The following NRG1 variants were observed in gnomAD, a reference collection of about 807,000 sequenced individuals.
The protein encoded by NRG1 is pro-neuregulin-1, membrane-bound isoform.
Under a neutral mutation model 63.8 loss-of-function variants are expected in NRG1, and 18 were observed. The observed-to-expected ratio is 0.28, with a 90% CI of 0.19 to 0.42. The LOEUF is 0.42. Among genes scored for constraint, NRG1 ranks in the 10% least tolerant of loss-of-function variants. NRG1 has a pLI of 1.00. For synonymous variants in NRG1, 302 were observed against 301.3 expected (o/e 1.00, Z -0.02); for missense variants, 762 against 814.7 (o/e 0.94, Z 0.79).
At chr8:32,462,530 TATACA>T (rs977164217) in intron 1 of NRG1, among the ~76,000 whole-genome samples, 3 of 151,200 alleles carry the variant, frequency 2.0e-5, no homozygotes, top group African/African-American at 7.3e-5. Flanking sequence ...AGATTTTGAA[TATACA>T]ATACAATATT....
At chr8:31,782,241 C>T (rs1819758429) in intron 1 of NRG1, among the ~76,000 whole-genome samples, 1 of 152,094 alleles carries the variant, frequency 6.6e-6, no homozygotes, top group Non-Finnish European at 1.5e-5. Context: ...TGCTGCCTTA[C>T]CTTACTCTGC....
intron 1 of NRG1, among the ~76,000 whole-genome samples, chr8:31,890,805 T>A (rs1270964610): frequency 2.6e-5 from 4 of 152,202 alleles, no homozygotes; most frequent in Non-Finnish European, 5.9e-5. Context: ...AGTGACCTAA[T>A]GTTCGGACAG....
chr8:31,674,559 T>C (rs1191435212), intron 1 of NRG1, among the ~76,000 whole-genome samples: 1 of 2,396 alleles, frequency 4.2e-4, no homozygotes, highest in Non-Finnish European at 0.1. Flanking sequence ...ATCTGGGTAC[T>C]TTTTTTTTTT....
At chr8:31,952,552 A>AT (rs199702428) in intron 1 of NRG1, among the ~76,000 whole-genome samples, 14 of 152,050 alleles carry the variant, frequency 9.2e-5, no homozygotes, top group African/African-American at 2.4e-4. Context: ...TGTTTAAATA[A>AT]TTTTTTTTTC....
At chr8:32,063,157 C>G (rs1824167943) in intron 1 of NRG1, 1 of 152,056 alleles carries the variant, frequency 6.6e-6, no homozygotes, top group South Asian at 2.1e-4. Context: ...AGTTGATTAT[C>G]AAGCTTTAAA....
rs1000265074 is a variant in NRG1 at position 32,678,819 on chromosome 8, T to C, written c.503-49130T>C. Among the ~76,000 whole-genome samples the C allele has an allele frequency of 4.6e-5, 7 of 152,288 alleles. No individual in the cohort carries two copies. In the South Asian group the frequency reaches 1.2e-3, roughly 27 times the overall value. ...CCCAGACTAGTACAAAAGTAACCCA[T>C]GCTGAATGTGCTATCTTTTAAGTCC... is the stretch of plus-strand genomic sequence containing the variant. On this transcript the variant is annotated intron_variant, in intron 5 of 11. Transcript: ENST00000356819.
At chr8:32,005,330 C>A (rs1311274802) in intron 1 of NRG1, among the ~76,000 whole-genome samples, 1 of 151,868 alleles carries the variant, frequency 6.6e-6, no homozygotes, top group Non-Finnish European at 1.5e-5. Flanking sequence ...ATATTGAGAG[C>A]CAGTGGAAGA....
intron 1 of NRG1, among the ~76,000 whole-genome samples, chr8:31,757,402 A>G (rs776030081): frequency 2.0e-5 from 3 of 152,100 alleles, no homozygotes; most frequent in Non-Finnish European, 4.4e-5. Context: ...AATTTGTCAC[A>G]TTGGCTAAAA....
chr8:32,526,376 G>A (rs866223639), intron 1 of NRG1, among the ~76,000 whole-genome samples: 19 of 152,178 alleles, frequency 1.2e-4, no homozygotes, highest in Admixed American at 1.2e-3. Context: ...GCAATGGTGA[G>A]AATCTGCCAA....
At chr8:32,259,643 A>G (rs557109527) in intron 1 of NRG1, among the ~76,000 whole-genome samples, 1 of 152,324 alleles carries the variant, frequency 6.6e-6, no homozygotes, top group Admixed American at 6.5e-5. Flanking sequence ...GTTACCCCTC[A>G]ACATTGTTTT....
chr8:32,186,136 A>G (rs1841938989), intron 1 of NRG1, among the ~76,000 whole-genome samples: 2 of 152,168 alleles, frequency 1.3e-5, no homozygotes, highest in Admixed American at 1.3e-4. Context: ...CCTAGCTATT[A>G]TGTACAATTT....
intron 1 of NRG1, among the ~76,000 whole-genome samples, chr8:32,402,059 C>T (rs776752971): frequency 6.6e-6 from 1 of 152,092 alleles, no homozygotes; most frequent in Non-Finnish European, 1.5e-5. Context: ...CAACAGGCGC[C>T]TACCACAACG....
intron 1 of NRG1, among the ~76,000 whole-genome samples, chr8:31,923,734 A>C (rs989424429): frequency 5.9e-5 from 9 of 152,000 alleles, no homozygotes; most frequent in Non-Finnish European, 1.3e-4. Context: ...ATATGTCCAT[A>C]GGGTACAAGT....
At chr8:32,758,183 A>G (rs1334308223) in intron 9 of NRG1, among the ~76,000 whole-genome samples, 2 of 152,150 alleles carry the variant, frequency 1.3e-5, no homozygotes, top group Non-Finnish European at 2.9e-5. Flanking sequence ...ATTTAACTCA[A>G]TTTGGTATAA....
intron 1 of NRG1, among the ~76,000 whole-genome samples, chr8:32,540,950 T>G (rs932068842): frequency 6.6e-6 from 1 of 152,236 alleles, no homozygotes; most frequent in Non-Finnish European, 1.5e-5. Context: ...GTTAGCTAAT[T>G]GTTCTGCTAA....
At chr8:32,118,568 G>T (rs547571605) in intron 1 of NRG1, among the ~76,000 whole-genome samples, 1 of 152,212 alleles carries the variant, frequency 6.6e-6, no homozygotes, top group East Asian at 1.9e-4. Context: ...AATACAAATG[G>T]ACGAAGACAG....
intron 1 of NRG1, among the ~76,000 whole-genome samples, chr8:31,704,365 T>C (rs1261988137): frequency 6.6e-6 from 1 of 152,228 alleles, no homozygotes; most frequent in Non-Finnish European, 1.5e-5. Context: ...AGTTGTAAGA[T>C]AGTGATTTCT....
At chr8:32,659,677 CGCCT>C (rs1563881862) in intron 5 of NRG1, among the ~76,000 whole-genome samples, 1 of 152,156 alleles carries the variant, frequency 6.6e-6, no homozygotes, top group African/African-American at 2.4e-5. Flanking sequence ...ATTGAAGACA[CGCCT>C]GCAGCAGAAC....
chr8:31,795,567 A>T (rs1327734329), intron 1 of NRG1, among the ~76,000 whole-genome samples: 1 of 152,182 alleles, frequency 6.6e-6, no homozygotes, highest in East Asian at 1.9e-4. Flanking sequence ...TTTTAAAACC[A>T]CAAGACATTT....
Sources: allele counts gnomAD v4.1 joint callset (sites outside exome capture counted in the v4.1 genomes callset), GRCh38; gene constraint gnomAD v4.1.1; transcripts MANE v1.5; gene names NCBI Gene and HGNC (gene_info 2026-07-23, HGNC 2026-07-21).